SORCS2: variants seen among roughly 807,000 people sequenced by gnomAD.
SORCS2 encodes VPS10 domain-containing receptor SorCS2.
SORCS2 carries 100 observed loss-of-function variants against 141.6 expected under a neutral mutation model. The ratio of observed to expected loss-of-function variants is 0.71; its 90% CI spans 0.60 to 0.83. The LOEUF (loss-of-function observed/expected upper bound fraction) is 0.83. Among genes scored for constraint, SORCS2 ranks in the 40% least tolerant of loss-of-function variants. SORCS2 has a pLI of 0.00. For missense variants in SORCS2, 1,646 were observed against 1,560.2 expected (o/e 1.05, Z -0.93); for synonymous variants, 789 against 676.9 (o/e 1.17, Z -2.57).
At position 7,418,746 on chromosome 4, in the gene SORCS2, A is replaced by G. The variant is rs73796561; in HGVS notation, c.548+22391A>G. Among the ~76,000 whole-genome samples, 391 of 141,298 alleles carry G rather than the reference A, an allele frequency of 2.8e-3. 2 individuals carry two copies. The highest frequency in any genetic ancestry group is 9.4e-3 in the African/African-American group (363 of 38,750). 92.7% of individuals were successfully genotyped at this position (141,298 alleles called of 152,430 possible). On this transcript the variant is annotated intron_variant, in intron 2 of 26. Coordinates refer to ENST00000507866, the MANE Select transcript of SORCS2 (RefSeq NM_020777.3). ...TTGTAGATTAAAACAACAGTCATTC[A>G]TTGAGCTTACGATTCTGTGAATGGG...
At chr4:7,472,908 G>C (rs901926239) in intron 2 of SORCS2, among the ~76,000 whole-genome samples, 5 of 139,796 alleles carry the variant, frequency 3.6e-5, no homozygotes, top group Non-Finnish European at 6.1e-5. Context: ...TGGGGCCAAA[G>C]TGTTCATCAT....
intron 1 of SORCS2, among the ~76,000 whole-genome samples, chr4:7,299,005 C>A (rs1039522756): frequency 6.6e-6 from 1 of 152,236 alleles, no homozygotes; most frequent in African/African-American, 2.4e-5. Context: ...GGGGCATTAG[C>A]GGGAGGCCTC....
chr4:7,583,977 T>A (rs1187525970), intron 3 of SORCS2, among the ~76,000 whole-genome samples: 3 of 152,332 alleles, frequency 2.0e-5, no homozygotes, highest in African/African-American at 7.2e-5. Context: ...CTCAATTTCC[T>A]CATCTGTAAA....
At chr4:7,610,103 G>A (rs771050600) in intron 3 of SORCS2, among the ~76,000 whole-genome samples, 2 of 152,222 alleles carry the variant, frequency 1.3e-5, no homozygotes, top group Admixed American at 6.5e-5. Context: ...TGCAGGACGC[G>A]CTGAGTAAAG....
At chr4:7,359,120 A>C (rs545271283) in intron 1 of SORCS2, among the ~76,000 whole-genome samples, 1 of 152,326 alleles carries the variant, frequency 6.6e-6, no homozygotes, top group South Asian at 2.1e-4. Context: ...ACATGGCGAA[A>C]TCCTGCCTCT....
intron 14 of SORCS2, among the ~76,000 whole-genome samples, chr4:7,709,708 G>T (rs1478584607): frequency 6.6e-6 from 1 of 152,134 alleles, no homozygotes; most frequent in Non-Finnish European, 1.5e-5. Flanking sequence ...TGTCCTTCCC[G>T]GATAACTGTT....
chr4:7,657,162 G>A (rs559199641), intron 5 of SORCS2, among the ~76,000 whole-genome samples: 5 of 152,224 alleles, frequency 3.3e-5, no homozygotes, highest in African/African-American at 4.8e-5. Context: ...CAGGGCCTTC[G>A]CCAGTACACT....
At chr4:7,573,995 C>T (rs1016699186) in intron 3 of SORCS2, among the ~76,000 whole-genome samples, 1 of 152,290 alleles carries the variant, frequency 6.6e-6, no homozygotes, top group Non-Finnish European at 1.5e-5. Flanking sequence ...CTGAATGTCA[C>T]CTTCTCAGAA....
chr4:7,378,434 G>T (rs1380909362), intron 1 of SORCS2, among the ~76,000 whole-genome samples: 1 of 152,162 alleles, frequency 6.6e-6, no homozygotes, highest in South Asian at 2.1e-4. Flanking sequence ...TATAATCATG[G>T]TGGAAGAGGA....
intron 3 of SORCS2, among the ~76,000 whole-genome samples, chr4:7,569,888 C>G (rs1335479434): frequency 2.6e-5 from 4 of 152,186 alleles, no homozygotes; most frequent in Non-Finnish European, 5.9e-5. Flanking sequence ...TGGATGTGGC[C>G]TCTCCGGAAC....
chr4:7,658,547 A>T (rs957995475), intron 5 of SORCS2, among the ~76,000 whole-genome samples: 4 of 152,222 alleles, frequency 2.6e-5, no homozygotes, highest in Non-Finnish European at 4.4e-5. Context: ...GCCGAAATCA[A>T]CACTCCACCT....
chr4:7,639,496 G>C (rs570066422), intron 4 of SORCS2, among the ~76,000 whole-genome samples: 3 of 150,692 alleles, frequency 2.0e-5, no homozygotes, highest in Non-Finnish European at 4.4e-5. Context: ...ATGTGTGTGG[G>C]GGTGGGTGTG....
chr4:7,485,775 A>T (rs1054015161), intron 2 of SORCS2, among the ~76,000 whole-genome samples: 18 of 152,012 alleles, frequency 1.2e-4, no homozygotes, highest in African/African-American at 4.1e-4. Context: ...GGCCCAGGGG[A>T]GCCCGATGAG....
intron 2 of SORCS2, among the ~76,000 whole-genome samples, chr4:7,507,341 A>C (rs12644601): frequency 0.48 from 73,248 of 151,820 alleles, 20,755 homozygotes; most frequent in East Asian, 0.86. Context: ...CGCCAGGCTA[A>C]TTTTTTGTAT....
intron 3 of SORCS2, among the ~76,000 whole-genome samples, chr4:7,581,960 A>C (rs186326636): frequency 1.3e-5 from 2 of 152,130 alleles, no homozygotes; most frequent in Non-Finnish European, 2.9e-5. Flanking sequence ...AGACAATTTT[A>C]TACTCTGAAT....
At chr4:7,208,181 C>A (rs535288533) in intron 1 of SORCS2, among the ~76,000 whole-genome samples, 12 of 152,168 alleles carry the variant, frequency 7.9e-5, no homozygotes, top group African/African-American at 2.9e-4. Context: ...CTCCTCACCC[C>A]CTGGGACATG....
intron 1 of SORCS2, among the ~76,000 whole-genome samples, chr4:7,230,755 G>A (rs1415759137): frequency 1.3e-5 from 2 of 150,634 alleles, no homozygotes; most frequent in African/African-American, 2.5e-5. Flanking sequence ...CTCTGGGCAG[G>A]AGCAGTGTGA....
chr4:7,452,364 A>C (rs2109296249), intron 2 of SORCS2, among the ~76,000 whole-genome samples: 1 of 151,922 alleles, frequency 6.6e-6, no homozygotes, highest in East Asian at 1.9e-4. Context: ...CTGGTCTCTA[A>C]CTCCTGACCT....
chr4:7,379,363 G>A (rs1222213584), intron 1 of SORCS2, among the ~76,000 whole-genome samples: 1 of 152,200 alleles, frequency 6.6e-6, no homozygotes, highest in Non-Finnish European at 1.5e-5. Context: ...CTGCGAGGTT[G>A]CACCAGGCAG....
Sources: allele counts gnomAD v4.1 joint callset (sites outside exome capture counted in the v4.1 genomes callset), GRCh38; gene constraint gnomAD v4.1.1; transcripts MANE v1.5; gene names NCBI Gene and HGNC (gene_info 2026-07-23, HGNC 2026-07-21).